GCNT2: variants seen among roughly 807,000 people sequenced by gnomAD.
GCNT2 encodes the protein glucosaminyl (N-acetyl) transferase 2 (I blood group).
Under a neutral mutation model 34.2 loss-of-function variants are expected in GCNT2, and 34 were observed. That is an observed-to-expected ratio of 1.00 (90% confidence interval 0.76 to 1.32). The LOEUF (loss-of-function observed/expected upper bound fraction) is 1.32, where lower values mean the gene tolerates loss of function less well. Ranked by LOEUF, GCNT2 falls within the 40% of genes most tolerant of loss-of-function variation. The pLI is 0.00. For synonymous variants in GCNT2, 212 were observed against 188.0 expected (o/e 1.13, Z -1.04); for missense variants, 584 against 489.4 (o/e 1.19, Z -1.82).
intron 3 of GCNT2, among the ~76,000 whole-genome samples, chr6:10,531,359 A>T (rs1488226558): frequency 6.6e-6 from 1 of 152,232 alleles, no homozygotes; most frequent in African/African-American, 2.4e-5. Flanking sequence ...AGGAAAAAGT[A>T]ACTGGAACCT....
chr6:10,566,240 C>G (rs1441966883), intron 3 of GCNT2, among the ~76,000 whole-genome samples: 1 of 150,868 alleles, frequency 6.6e-6, no homozygotes, highest in Non-Finnish European at 1.5e-5. Flanking sequence ...TTTCCTGATT[C>G]TCACTCATCT....
chr6:10,597,632 T>C (rs961277572), intron 3 of GCNT2, among the ~76,000 whole-genome samples: 1 of 152,188 alleles, frequency 6.6e-6, no homozygotes, highest in Non-Finnish European at 1.5e-5. Flanking sequence ...GTTGTTGTTT[T>C]GCTTTTTTTG....
chr6:10,605,622 G>T (rs543202982), intron 3 of GCNT2, among the ~76,000 whole-genome samples: 6 of 152,090 alleles, frequency 3.9e-5, no homozygotes, highest in African/African-American at 1.4e-4. Context: ...TTCCATAGAT[G>T]ATTCTAAAAT....
intron 3 of GCNT2, among the ~76,000 whole-genome samples, chr6:10,608,287 G>A (rs889603440): frequency 6.6e-5 from 10 of 151,940 alleles, no homozygotes; most frequent in Non-Finnish European, 1.0e-4. Context: ...ATGTTGGTCA[G>A]GCTGGTCTCA....
intron 3 of GCNT2, among the ~76,000 whole-genome samples, chr6:10,596,507 T>A (rs1047071229): frequency 1.3e-5 from 2 of 150,050 alleles, no homozygotes; most frequent in Non-Finnish European, 3.0e-5. Flanking sequence ...GGCAAGAGAG[T>A]GAGACTCCAT....
rs748803778 is a variant in GCNT2 at position 10,626,554 on chromosome 6, G to A, written c.1156G>A (p.Glu386Lys). The change falls in exon 5 of 5, where the codon GAA becomes AAA. Residue 386 changes from glutamate to lysine, a missense_variant. Coordinates refer to ENST00000495262, the MANE Select transcript of GCNT2 (RefSeq NM_145649.5). ...TVECLELRHRERTLNQSETAI... is the reference protein window; with the variant it reads ...TVECLELRHRKRTLNQSETAI... ...GGAATGCCTAGAACTGAGGCATCGC[G>A]AAAGAACCCTCAATCAGAGTGAAAC... 8.2e-5 allele frequency: 132 copies of A among 1,613,706 alleles called. 1 individual carries two copies. Among genetic ancestry groups the A allele is most frequent in the Non-Finnish European group, 6.6e-5 (78 of 1,179,756 alleles).
At chr6:10,625,472 AC>A (rs1766218264) in intron 4 of GCNT2, among the ~76,000 whole-genome samples, 1 of 151,246 alleles carries the variant, frequency 6.6e-6, no homozygotes, top group Non-Finnish European at 1.5e-5. Flanking sequence ...TCCCAACAAA[AC>A]CCCCTCTCCC....
intron 3 of GCNT2, chr6:10,575,112 A>G (rs990918205): frequency 8.2e-5 from 40 of 487,098 alleles, no homozygotes; most frequent in African/African-American, 6.8e-4. Context: ...GATGCCTGCA[A>G]TGTCACCTTT....
At chr6:10,560,614 G>C (rs1448136057) in intron 3 of GCNT2, among the ~76,000 whole-genome samples, 2 of 152,142 alleles carry the variant, frequency 1.3e-5, no homozygotes, top group Non-Finnish European at 2.9e-5. Flanking sequence ...ATGTGACCGA[G>C]AAAATGATTA....
intron 3 of GCNT2, among the ~76,000 whole-genome samples, chr6:10,566,012 G>A (rs1763264625): frequency 6.6e-6 from 1 of 152,242 alleles, no homozygotes; most frequent in South Asian, 2.1e-4. Flanking sequence ...AGCTCCTCGA[G>A]ATCTGGCCCC....
At chr6:10,624,494 A>G (rs1294249724) in intron 4 of GCNT2, among the ~76,000 whole-genome samples, 2 of 152,110 alleles carry the variant, frequency 1.3e-5, no homozygotes, top group Non-Finnish European at 2.9e-5. Flanking sequence ...CGATTCAACT[A>G]TCTCCCACTG....
At chr6:10,615,175 G>A (rs1024695408) in intron 3 of GCNT2, among the ~76,000 whole-genome samples, 23 of 152,184 alleles carry the variant, frequency 1.5e-4, no homozygotes, top group African/African-American at 4.6e-4. Context: ...GGACAGTGCT[G>A]TTGCTCCCCA....
intron 3 of GCNT2, among the ~76,000 whole-genome samples, chr6:10,606,308 C>T (rs1003276592): frequency 6.6e-6 from 1 of 152,146 alleles, no homozygotes; most frequent in Non-Finnish European, 1.5e-5. Flanking sequence ...GAGTGAGGCT[C>T]CTTCTTGTCA....
intron 3 of GCNT2, among the ~76,000 whole-genome samples, chr6:10,547,557 T>C (rs1293037950): frequency 6.6e-6 from 1 of 152,248 alleles, no homozygotes; most frequent in Non-Finnish European, 1.5e-5. Flanking sequence ...TAGAGCCTTA[T>C]AATGATGATG....
intron 3 of GCNT2, among the ~76,000 whole-genome samples, chr6:10,577,205 A>G (rs1200955862): frequency 6.6e-6 from 1 of 152,162 alleles, no homozygotes; most frequent in Non-Finnish European, 1.5e-5. Flanking sequence ...ATGGAGAGAA[A>G]TCACACCTCG....
intron 3 of GCNT2, among the ~76,000 whole-genome samples, chr6:10,569,531 T>C (rs74735414): frequency 0.012 from 1,824 of 152,292 alleles, 68 homozygotes; most frequent in Admixed American, 0.062. Flanking sequence ...TCCTCTGTTC[T>C]TGGGCAACAG....
At chr6:10,586,569 G>T in intron 3 of GCNT2, 1 of 1,614,100 alleles carries the variant, frequency 6.2e-7, no homozygotes, top group South Asian at 1.1e-5. Context: ...CTGTGGACAA[G>T]ACTTCCCCCT....
chr6:10,572,088 G>A (rs904233088), intron 3 of GCNT2, among the ~76,000 whole-genome samples: 5 of 150,912 alleles, frequency 3.3e-5, no homozygotes, highest in African/African-American at 7.4e-5. Context: ...CTGAAATCCC[G>A]TGTTCTGGGA....
At chr6:10,522,634 T>C (rs1760974073) in intron 1 of GCNT2, among the ~76,000 whole-genome samples, 3 of 152,298 alleles carry the variant, frequency 2.0e-5, no homozygotes, top group South Asian at 4.2e-4. Context: ...GAAGGGAGGC[T>C]ATATTCTTTC....
Sources: allele counts gnomAD v4.1 joint callset (sites outside exome capture counted in the v4.1 genomes callset), GRCh38; gene constraint gnomAD v4.1.1; transcripts MANE v1.5; gene names NCBI Gene and HGNC (gene_info 2026-07-23, HGNC 2026-07-21).